CNKSR1: variants seen among roughly 807,000 people sequenced by gnomAD.
CNKSR1 encodes CNK homolog protein 1.
In CNKSR1, 88 loss-of-function variants were observed where a neutral mutation model predicts 95.6. That is an observed-to-expected ratio of 0.92 (90% CI 0.78 to 1.10). CNKSR1 has a LOEUF of 1.10. CNKSR1 is among the 50% of genes least tolerant of loss of function. The probability of loss-of-function intolerance (pLI) is 0.00; values close to 1 mark genes in which losing one functional copy is unlikely to be tolerated. For missense variants in CNKSR1, 836 were observed against 912.0 expected, an observed-to-expected ratio of 0.92 and a Z score of 1.07; for synonymous variants, 355 against 369.7, an observed-to-expected ratio of 0.96 and a Z score of 0.46.
At position 26,189,708 on chromosome 1, in the gene CNKSR1, G is replaced by T. The variant is rs758239218; in HGVS notation, c.*160G>T. The T allele has an allele frequency of 6.8e-6, 5 of 737,998 alleles. No homozygotes were observed. Among genetic ancestry groups the T allele is most frequent in the Non-Finnish European group, 9.9e-6 (4 of 403,652 alleles). 45.7% of individuals were successfully genotyped at this position (737,998 alleles called of 1,614,324 possible). A position where few individuals can be genotyped will look rare whatever the true frequency, so the allele number is the denominator to read the frequency against. On this transcript the variant is annotated 3_prime_UTR_variant, in exon 21 of 21. Coordinates refer to ENST00000361530, the MANE Select transcript of CNKSR1 (RefSeq NM_006314.3). ...GAGCTGACCCCTCTGCCTGGGCTTTGTGCCACCCTCTCCCTTGCCAAAGAA... is the reference window on the plus strand; with the variant it reads ...GAGCTGACCCCTCTGCCTGGGCTTTTTGCCACCCTCTCCCTTGCCAAAGAA...
At position 26,183,199 on chromosome 1, in the gene CNKSR1, C is replaced by T. The variant is rs2088675873; in HGVS notation, c.627C>T (p.Gly209=). The change falls in exon 7 of 21, where the codon GGC becomes GGT. Residue 209 remains glycine, a splice_region_variant and synonymous_variant. Transcript: ENST00000361530. Reference sequence around the variant, plus strand: ...GACTATAGCCTCTGCCTCTGCAGGGCCTAGAAATTCACACCACCAGCAATT... The same window carrying T: ...GACTATAGCCTCTGCCTCTGCAGGGTCTAGAAATTCACACCACCAGCAATT... ...LEQVQLDSPL[G]LEIHTTSNCQ... 3 of 1,614,008 alleles carry T rather than the reference C, an allele frequency of 1.9e-6. No homozygotes were observed. The highest frequency in any genetic ancestry group is 2.5e-6 in the Non-Finnish European group (3 of 1,179,972).
chr1:26,181,155 C>A (rs2088641044), intron 3 of CNKSR1: 1 of 431,540 alleles, frequency 2.3e-6, no homozygotes, highest in South Asian at 2.0e-5. Flanking sequence ...GTGGTGCGCA[C>A]CTGTAATCCC....
At chr1:26,179,035 G>C (rs532622819) in intron 1 of CNKSR1, among the ~76,000 whole-genome samples, 1 of 152,324 alleles carries the variant, frequency 6.6e-6, no homozygotes, top group Non-Finnish European at 1.5e-5. Context: ...CTGTAAGCAG[G>C]ATAATGATAG....
intron 14 of CNKSR1, among the ~76,000 whole-genome samples, chr1:26,185,440 C>T (rs929130444): frequency 1.7e-4 from 25 of 150,204 alleles, no homozygotes; most frequent in African/African-American, 4.7e-4. Context: ...TTGCCCAGGC[C>T]GGAGTGCAGT....
In CNKSR1 at chr1:26,184,216, C is replaced by A; in HGVS notation, c.929C>A (p.Ala310Asp). 6.2e-7 allele frequency: 1 copy of A among 1,613,240 alleles called. No homozygotes were observed. Among genetic ancestry groups the A allele is most frequent in the Non-Finnish European group, 8.5e-7 (1 of 1,179,776 alleles). Residue 310 changes from alanine (A) to aspartate (D), a missense_variant and splice_region_variant, in exon 11 of 21, where the codon GCC becomes GAC. Transcript: ENST00000361530. The part of the protein sequence containing the change: ...SLSLAPLSPR[A>D]PSEDVFAFDL... The stretch of plus-strand genomic sequence containing the variant: ...CTCATCCCCCTTGCCCTCCCCAGGG[C>A]CCCATCTGAAGACGTCTTTGCCTTT...
At chr1:26,179,319 C>T (rs1322724877) in intron 1 of CNKSR1, among the ~76,000 whole-genome samples, 1 of 152,144 alleles carries the variant, frequency 6.6e-6, no homozygotes, top group Non-Finnish European at 1.5e-5. Context: ...CTCCATCCCA[C>T]TCAGCCTGGG....
chr1:26,188,357 C>T (rs1449378504), intron 17 of CNKSR1, 50 bp downstream of exon 17: 2 of 1,611,428 alleles, frequency 1.2e-6, no homozygotes, highest in South Asian at 2.2e-5. Flanking sequence ...TGAGCCTGTG[C>T]CTTTCCTGGG....
At chr1:26,177,704 G>T (rs1266596328) in intron 1 of CNKSR1, 105 bp downstream of exon 1, 2 of 1,351,992 alleles carry the variant, frequency 1.5e-6, no homozygotes, top group Non-Finnish European at 2.1e-6. Context: ...GACTGGGTGC[G>T]CTGGTTCACA....
intron 4 of CNKSR1, 107 bp from the exon 5 acceptor site, chr1:26,182,254 G>C: frequency 8.6e-7 from 1 of 1,156,792 alleles, no homozygotes; most frequent in Non-Finnish European, 1.3e-6. Context: ...GCCAGTGTAG[G>C]GAAGGCAGGG....
At chr1:26,183,634 G>A in intron 8 of CNKSR1, 95 bp from the exon 9 acceptor site, 1 of 1,085,440 alleles carries the variant, frequency 9.2e-7, no homozygotes, top group South Asian at 1.2e-5. Context: ...AGAAGTGGGA[G>A]GCTGAGAGAG....
At position 26,188,681 on chromosome 1, in the gene CNKSR1, C is replaced by T; in HGVS notation, c.1674C>T (p.Ser558=). The T allele has an allele frequency of 6.2e-7, 1 of 1,613,822 alleles. No homozygotes were observed. The highest frequency in any genetic ancestry group is 1.1e-5 in the South Asian group (1 of 91,078). ...ATPTQRSPRT[S]FGSLTDSSEE... ...CCACACAGCGCAGCCCACGGACCTC[C>T]TTTGGCTCTCTGACAGGTGCTGGGC... Residue 558 remains serine, a synonymous_variant, in exon 19 of 21, where the codon TCC becomes TCT. Transcript: ENST00000361530.
intron 14 of CNKSR1, 53 bp downstream of exon 14, chr1:26,185,239 G>C (rs2088729045): frequency 6.6e-7 from 1 of 1,513,162 alleles, no homozygotes; most frequent in East Asian, 2.5e-5. Context: ...TCCAGGCCTC[G>C]ATTCTCATCT....
In CNKSR1 at chr1:26,189,544, T is replaced by C; in HGVS notation, c.2138T>C (p.Leu713Pro). 6.7e-7 allele frequency: 1 copy of C among 1,484,148 alleles called. No homozygotes were observed. Among genetic ancestry groups the C allele is most frequent in the Non-Finnish European group, 9.4e-7 (1 of 1,061,378 alleles). The allele number at this position is 1,484,148 out of a possible 1,614,324, so 91.9% of individuals were successfully genotyped here. The change falls in exon 21 of 21, where the codon CTC becomes CCC. Residue 713 changes from leucine (L) to proline (P), a missense_variant. Leu to Pro is a moderately conservative substitution (Grantham distance 98). Transcript: ENST00000361530. ...GAGAGCAGCCTCCGACCTCCTGACC[T>C]CTGACCCTGGCCAGCACTCTAGCTC... ...TSESSLRPPDL is the reference protein window; with the variant it reads ...TSESSLRPPDP
chr1:26,185,975 CAG>C (rs886244058), intron 14 of CNKSR1, among the ~76,000 whole-genome samples: 5 of 152,146 alleles, frequency 3.3e-5, no homozygotes, highest in Non-Finnish European at 7.4e-5. Flanking sequence ...ACTATGGACA[CAG>C]AGAAGAATTG....
rs376037344 is a variant in CNKSR1, at chr1:26,182,746, C to T, written c.624+162C>T. 7.7e-4 allele frequency among the ~76,000 whole-genome samples: 118 copies of T among 152,276 alleles called. 1 individual carries two copies. Among genetic ancestry groups the T allele is most frequent in the African/African-American group, 2.4e-3 (98 of 41,544 alleles). On this transcript the variant is annotated intron_variant, in intron 6 of 20. Coordinates refer to ENST00000361530, the MANE Select transcript of CNKSR1 (RefSeq NM_006314.3). ...GCCCAGAGGATTGGCCAGGGTCTCC[C>T]GTTGCTCTGCACCTCCCCAGTCCTG... is the stretch of plus-strand genomic sequence containing the variant.
Position 26,178,671 on chromosome 1 carries a change from C to T in CNKSR1, c.52+1072C>T, listed in dbSNP as rs1569870068. ...AGGCTGGATTCCAGGCCCACCCCCACCGCTTGCCAGCTCTGTGACCATAGG... is the reference window on the plus strand; with the variant it reads ...AGGCTGGATTCCAGGCCCACCCCCATCGCTTGCCAGCTCTGTGACCATAGG... On this transcript the variant is annotated intron_variant, in intron 1 of 20. Coordinates refer to ENST00000361530, the MANE Select transcript of CNKSR1 (RefSeq NM_006314.3). Among the ~76,000 whole-genome samples, 3 of 152,240 alleles carry T rather than the reference C, an allele frequency of 2.0e-5. No individual in the cohort carries two copies. The East Asian group carries it at 5.8e-4, about 29-fold the overall frequency.
intron 13 of CNKSR1, 35 bp downstream of exon 13, chr1:26,184,647 T>G: frequency 6.3e-7 from 1 of 1,576,886 alleles, no homozygotes; most frequent in Non-Finnish European, 8.6e-7. Flanking sequence ...GGGGTTCCCC[T>G]GTTTGAGGAG....
At chr1:26,183,282 C>T (rs571991291) in intron 7 of CNKSR1, 26 bp downstream of exon 7, 18 of 1,614,122 alleles carry the variant, frequency 1.1e-5, no homozygotes, top group Admixed American at 8.3e-5. Context: ...CCTTCTCAGC[C>T]GCCCATCCCC....
intron 3 of CNKSR1, 28 bp from the exon 4 acceptor site, chr1:26,181,829 A>C: frequency 3.5e-5 from 56 of 1,606,770 alleles, no homozygotes; most frequent in Non-Finnish European, 4.5e-5. Context: ...ATAGTCCCTT[A>C]ACCACTGTGC....
Sources: allele counts gnomAD v4.1 joint callset (sites outside exome capture counted in the v4.1 genomes callset), GRCh38; gene constraint gnomAD v4.1.1; transcripts MANE v1.5; gene names NCBI Gene and HGNC (gene_info 2026-07-23, HGNC 2026-07-21).